SARM1: variants seen among roughly 807,000 people sequenced by gnomAD.
The protein encoded by SARM1 is NAD(+) hydrolase SARM1.
In SARM1, 60 loss-of-function variants were observed where a neutral mutation model predicts 65.1. The ratio of observed to expected loss-of-function variants is 0.92; its 90% CI spans 0.75 to 1.14. The LOEUF (loss-of-function observed/expected upper bound fraction) is 1.14. Among genes scored for constraint, SARM1 ranks in the 50% most tolerant of loss-of-function variants. The pLI is 0.00. For synonymous variants in SARM1, 417 were observed against 465.4 expected (o/e 0.90, Z 1.34); for missense variants, 913 against 1,015.7 (o/e 0.90, Z 1.37).
intron 7 of SARM1, among the ~76,000 whole-genome samples, chr17:28,394,526 C>T (rs2068098360): frequency 6.6e-6 from 1 of 152,206 alleles, no homozygotes; most frequent in African/African-American, 2.4e-5. Flanking sequence ...AAATGTCAGT[C>T]ACGAGGCCCA....
In SARM1 at chr17:28,395,976, C is replaced by A; in HGVS notation, c.1995C>A (p.Pro665=). Residue 665 remains proline, a synonymous_variant, in exon 8 of 9, where the codon CCC becomes CCA. Coordinates refer to ENST00000585482, the MANE Select transcript of SARM1 (RefSeq NM_015077.4). The part of the protein sequence containing the change: ...PIIDGFEWPE[P]QVLPEDMQAV... ...TTGATGGCTTCGAGTGGCCTGAGCC[C>A]CAGGTCCTGCCTGAGGACATGCAGG... The A allele has an allele frequency of 6.2e-7, 1 of 1,613,978 alleles. No homozygotes were observed. The highest frequency in any genetic ancestry group is 1.6e-4 in the Middle Eastern group (1 of 6,062).
chr17:28,387,964 GA>G (rs1351088012), intron 5 of SARM1: 3 of 597,454 alleles, frequency 5.0e-6, no homozygotes, highest in Non-Finnish European at 9.0e-6. Context: ...AATGTCCCTA[GA>G]ACACAGTGCC....
chr17:28,386,164 G>T (rs533387941), intron 5 of SARM1, among the ~76,000 whole-genome samples: 2 of 152,146 alleles, frequency 1.3e-5, no homozygotes, highest in Non-Finnish European at 2.9e-5. Context: ...AATTAGCTAG[G>T]TGTGGTGGCG....
At chr17:28,379,987 C>G (rs1300128382) in intron 1 of SARM1, among the ~76,000 whole-genome samples, 1 of 149,378 alleles carries the variant, frequency 6.7e-6, no homozygotes, top group East Asian at 2.0e-4. Flanking sequence ...AATTTGTTGC[C>G]TTTTTCTTCT....
intron 1 of SARM1, among the ~76,000 whole-genome samples, chr17:28,376,661 G>A (rs935300322): frequency 2.0e-5 from 3 of 152,094 alleles, no homozygotes; most frequent in African/African-American, 7.2e-5. Context: ...GTAGAGACAG[G>A]GTCTTTCTAT....
At position 28,396,331 on chromosome 17, in the gene SARM1, G is replaced by A. The variant is rs782539111; in HGVS notation, c.*45G>A. 8.7e-6 allele frequency: 14 copies of A among 1,608,772 alleles called. No homozygotes were observed. The highest frequency in any genetic ancestry group is 1.8e-4 in the Middle Eastern group (1 of 5,502). ...CCCTGCTGTGACTTCCATTTCCATC[G>A]TCCTTTCTGAAGGAACAGCTCCTGA... On this transcript the variant is annotated 3_prime_UTR_variant, in exon 9 of 9. Transcript: ENST00000585482.
rs1386403212 is a variant in SARM1, at chr17:28,399,522, A to G, written c.*3236A>G. The G allele has an allele frequency of 5.8e-6, 5 of 858,120 alleles. No homozygotes were observed. Among genetic ancestry groups the G allele is most frequent in the Non-Finnish European group, 7.5e-6 (4 of 535,028 alleles). The allele number at this position is 858,120 out of a possible 1,614,324, so 53.2% of individuals were successfully genotyped here. Reference sequence around the variant, plus strand: ...GGTGGTGCCTTGGTCTCTCTTGACTACCTCGTCCAAAGAGAGCACTGCCCT... The same window carrying G: ...GGTGGTGCCTTGGTCTCTCTTGACTGCCTCGTCCAAAGAGAGCACTGCCCT... On this transcript the variant is annotated 3_prime_UTR_variant, in exon 9 of 9. Coordinates refer to ENST00000585482, the MANE Select transcript of SARM1 (RefSeq NM_015077.4).
intron 7 of SARM1, among the ~76,000 whole-genome samples, chr17:28,393,961 G>A (rs1460025833): frequency 6.6e-6 from 1 of 152,204 alleles, no homozygotes. Flanking sequence ...CTGTGTAAGA[G>A]TTGATTGAGC....
chr17:28,391,834 AG>A (rs1172679505), intron 7 of SARM1, among the ~76,000 whole-genome samples: 1 of 150,224 alleles, frequency 6.7e-6, no homozygotes, highest in Non-Finnish European at 1.5e-5. Context: ...TGCCTGGGAG[AG>A]CCATACATAT....
At chr17:28,379,845 T>C (rs2068011773) in intron 1 of SARM1, among the ~76,000 whole-genome samples, 1 of 152,234 alleles carries the variant, frequency 6.6e-6, no homozygotes, top group Non-Finnish European at 1.5e-5. Context: ...ACATTTCAGG[T>C]AGCGATAGCT....
chr17:28,399,716 G>T lies in SARM1; in HGVS notation c.*3430G>T, dbSNP rs781799325. ...GAGGATCAGCCTTTTCCAGCATCCT[G>T]TGAGAGACCAGAGAGAGAGTTTGGA... On this transcript the variant is annotated 3_prime_UTR_variant, in exon 9 of 9. Transcript: ENST00000585482. 1.7e-5 allele frequency: 27 copies of T among 1,613,820 alleles called. No individual in the cohort carries two copies. The South Asian group carries it at 2.9e-4, about 17-fold the overall frequency.
Position 28,388,075 on chromosome 17 carries a change from G to A in SARM1, c.1631-99G>A, listed in dbSNP as rs1555586280. The A allele has an allele frequency of 9.5e-6, 9 of 950,616 alleles. No individual in the cohort carries two copies. The Admixed American group carries it at 1.8e-4, about 19-fold the overall frequency. The allele number at this position is 950,616 out of a possible 1,614,324, so 58.9% of individuals were successfully genotyped here. ...ACCCTCCCCAGGCTGGGCTGAGAGGGCTTGGTGGACTGGGGACTAAGTCCA... is the reference window on the plus strand; with the variant it reads ...ACCCTCCCCAGGCTGGGCTGAGAGGACTTGGTGGACTGGGGACTAAGTCCA... On this transcript the variant is annotated intron_variant, in intron 5 of 8. Transcript: ENST00000585482.
chr17:28,400,690 G>T lies in SARM1; in HGVS notation c.*4404G>T. ...CCTTCATAAAGTTCAGAGTGGCTGG[G>T]TAGAGTGAGTTGAAGATGCCGGAGG... is the stretch of plus-strand genomic sequence containing the variant. On this transcript the variant is annotated 3_prime_UTR_variant, in exon 9 of 9. Transcript: ENST00000585482. 1 of 1,612,318 alleles carries T rather than the reference G, an allele frequency of 6.2e-7. No homozygotes were observed. Among genetic ancestry groups the T allele is most frequent in the Non-Finnish European group, 8.5e-7 (1 of 1,179,376 alleles).
chr17:28,385,224 T>C lies in SARM1; in HGVS notation c.1579T>C (p.Cys527Arg), dbSNP rs782773588. 7 of 1,595,298 alleles carry C rather than the reference T, an allele frequency of 4.4e-6. No homozygotes were observed. Among genetic ancestry groups the C allele is most frequent in the Middle Eastern group, 1.7e-4 (1 of 6,032 alleles). The change falls in exon 5 of 9, where the codon TGC becomes CGC. Residue 527 changes from cysteine to arginine, a missense_variant. Around this residue, in one of 3 missense-constraint regions of SARM1, gnomAD observed 862 missense variants for 952.1 expected, o/e 0.91. Coordinates refer to ENST00000585482, the MANE Select transcript of SARM1 (RefSeq NM_015077.4). This position sits in a 1 kb window ranked among gnomAD's most constrained non-coding sequence, Gnocchi z 4.5. ...RVSEQQLLED[C>R]GIHLGVHRAR... The stretch of plus-strand genomic sequence containing the variant: ...GTCTGAGCAGCAGCTGCTGGAAGAC[T>C]GCGGCATCCACCTGGGCGTGCACCG...
At chr17:28,383,235 A>G (rs1407994246) in intron 2 of SARM1, among the ~76,000 whole-genome samples, 1 of 152,080 alleles carries the variant, frequency 6.6e-6, no homozygotes, top group Non-Finnish European at 1.5e-5. Flanking sequence ...TTAGCTGGGC[A>G]TGGTGGCAGG....
At chr17:28,392,501 C>T (rs1319452878) in intron 7 of SARM1, among the ~76,000 whole-genome samples, 1 of 152,166 alleles carries the variant, frequency 6.6e-6, no homozygotes, top group African/African-American at 2.4e-5. Flanking sequence ...CTGGATGAAA[C>T]AAATTTCTAA....
At chr17:28,382,975 A>G (rs1175374078) in intron 2 of SARM1, among the ~76,000 whole-genome samples, 2 of 152,114 alleles carry the variant, frequency 1.3e-5, no homozygotes, top group African/African-American at 4.8e-5. Context: ...TGTGGTGCAT[A>G]CCCCATGACC....
rs8081240 is a variant in SARM1 at position 28,395,709 on chromosome 17, C to T, written c.1924-196C>T. Reference sequence around the variant, plus strand: ...TCCAAGGGTTTTAGCAGCTCTGTGCCAGGAACTCTGGGCAAAGGAAAAATA... The same window carrying T: ...TCCAAGGGTTTTAGCAGCTCTGTGCTAGGAACTCTGGGCAAAGGAAAAATA... On this transcript the variant is annotated intron_variant, in intron 7 of 8. Coordinates refer to ENST00000585482, the MANE Select transcript of SARM1 (RefSeq NM_015077.4). 0.57 allele frequency: 335,904 copies of T among 585,312 alleles called. 98,201 individuals are homozygous for T. Among genetic ancestry groups the T allele is most frequent in the East Asian group, 0.75 (25,566 of 34,208 alleles). The allele number at this position is 585,312 out of a possible 1,614,324, so 36.3% of individuals were successfully genotyped here. A position where few individuals can be genotyped will look rare whatever the true frequency, so the allele number is the denominator to read the frequency against.
chr17:28,374,149 C>T (rs1555584392), intron 1 of SARM1: 1 of 150,386 alleles, frequency 6.6e-6, no homozygotes, highest in Non-Finnish European at 1.5e-5. Context: ...TGGTGGCGGG[C>T]ATCTGTAATC....
Sources: gnomAD v4.1 joint callset for allele counts (sites outside exome capture counted in the v4.1 genomes callset) on GRCh38, gnomAD v4.1.1 for gene constraint, gnomAD v4.1.1 regional missense constraint, Gnocchi (gnomAD v3.1) non-coding constraint, MANE v1.5 for transcripts, NCBI Gene and HGNC (gene_info 2026-07-23, HGNC 2026-07-21) for gene names.